Variants in SMYD4 observed in about 807,000 individuals in gnomAD.
The protein encoded by SMYD4 is SET and MYND domain containing 4.
SMYD4 carries 68 observed loss-of-function variants against 72.8 expected under a neutral mutation model. The ratio of observed to expected loss-of-function variants is 0.93; its 90% CI spans 0.77 to 1.14. The LOEUF (loss-of-function observed/expected upper bound fraction) is 1.14. Among genes scored for constraint, SMYD4 ranks in the 50% most tolerant of loss-of-function variants. SMYD4 has a pLI of 0.00. For missense variants in SMYD4, 984 were observed against 1,003.7 expected (o/e 0.98, Z 0.27); for synonymous variants, 407 against 388.6 (o/e 1.05, Z -0.56).
In SMYD4 at chr17:1,800,528, ACTCTGGTGTCCCATTTGCTGT is replaced by A; in HGVS notation, c.845_865del (p.Asp282_Arg288del). ...GTGACAATAGAGGTCCCCATTGGTG[ACTCTGGTGTCCCATTTGCTGT>A]CTAGGCCGTGATGCGGTGGTGGCAG... On this transcript the variant is annotated inframe_deletion, in exon 5 of 11. Transcript: ENST00000305513. 1 of 1,613,984 alleles carries A rather than the reference ACTCTGGTGTCCCATTTGCTGT, an allele frequency of 6.2e-7. No homozygotes were observed. The highest frequency in any genetic ancestry group is 2.2e-5 in the East Asian group (1 of 44,868).
At chr17:1,818,246 G>C (rs1226624673) in intron 2 of SMYD4, among the ~76,000 whole-genome samples, 1 of 152,102 alleles carries the variant, frequency 6.6e-6, no homozygotes, top group Non-Finnish European at 1.5e-5. Context: ...GGGATGTAAA[G>C]CCTTTCATGG....
intron 5 of SMYD4, among the ~76,000 whole-genome samples, chr17:1,797,362 G>T (rs1909458809): frequency 6.6e-6 from 1 of 152,190 alleles, no homozygotes; most frequent in Non-Finnish European, 1.5e-5. Context: ...TCATAAAATA[G>T]AAAGACTACA....
rs928819102 is a variant in SMYD4, at chr17:1,799,087, G to A, written c.1537+770C>T. ...GAGATCGAGACCATGGTGAAACCCC[G>A]TCTCTGCTAAAAATACAAAAAATTA... On this transcript the variant is annotated intron_variant, in intron 5 of 10. Transcript: ENST00000305513. 4.6e-5 allele frequency among the ~76,000 whole-genome samples: 7 copies of A among 151,350 alleles called. 1 individual carries two copies. Among genetic ancestry groups the A allele is most frequent in the East Asian group, 4.0e-4 (2 of 5,048 alleles).
intron 2 of SMYD4, among the ~76,000 whole-genome samples, chr17:1,824,016 T>C (rs781772891): frequency 2.6e-5 from 4 of 152,168 alleles, no homozygotes; most frequent in Non-Finnish European, 4.4e-5. Context: ...GGGGTTTCTG[T>C]TACTTGAAAC....
rs555693798 is a variant in SMYD4, at chr17:1,780,989, G to A, written c.*297C>T. Reference sequence around the variant, plus strand: ...GGCTGGAGTGCAGTGGAGCGATCTCGGCTCACTGCAACCTCCGCCTCCTGG... The same window carrying A: ...GGCTGGAGTGCAGTGGAGCGATCTCAGCTCACTGCAACCTCCGCCTCCTGG... On this transcript the variant is annotated 3_prime_UTR_variant, in exon 11 of 11. Transcript: ENST00000305513. The A allele has an allele frequency of 2.3e-5, 5 of 219,136 alleles. No homozygotes were observed. Among genetic ancestry groups the A allele is most frequent in the South Asian group, 6.5e-5 (1 of 15,396 alleles). The allele number at this position is 219,136 out of a possible 1,614,324, so 13.6% of individuals were successfully genotyped here. A position where few individuals can be genotyped will look rare whatever the true frequency, so the allele number is the denominator to read the frequency against.
At chr17:1,789,745 A>AC (rs1908916668) in intron 5 of SMYD4, among the ~76,000 whole-genome samples, 1 of 112,962 alleles carries the variant, frequency 8.9e-6, no homozygotes, top group Admixed American at 1.0e-4. Context: ...AGCCTGGGTG[A>AC]AAGAGCGAGA....
intron 5 of SMYD4, among the ~76,000 whole-genome samples, chr17:1,792,112 G>A (rs113059426): frequency 0.019 from 2,856 of 151,806 alleles, 105 homozygotes; most frequent in African/African-American, 0.066. Context: ...GCGCGATCGC[G>A]GCTCAGTGCA....
intron 4 of SMYD4, 110 bp downstream of exon 4, chr17:1,804,516 A>T: frequency 1.0e-6 from 1 of 957,996 alleles, no homozygotes; most frequent in South Asian, 1.4e-5. Flanking sequence ...AACCAATAGC[A>T]GCATGACATG....
Position 1,784,316 on chromosome 17 carries a change from C to G in SMYD4, c.2020+10G>C, listed in dbSNP as rs779040370. 1 of 1,614,090 alleles carries G rather than the reference C, an allele frequency of 6.2e-7. No individual in the cohort carries two copies. Among genetic ancestry groups the G allele is most frequent in the Non-Finnish European group, 8.5e-7 (1 of 1,179,974 alleles). ...GGGGCTGGAGGACCAAAGCAGGGAG[C>G]CAGTCTCACCTAGTTCACCATCTCT... On this transcript the variant is annotated intron_variant, in intron 8 of 10. Coordinates refer to ENST00000305513, the MANE Select transcript of SMYD4 (RefSeq NM_052928.3).
intron 3 of SMYD4, among the ~76,000 whole-genome samples, chr17:1,807,648 C>T (rs1437952569): frequency 3.3e-5 from 5 of 152,216 alleles, no homozygotes; most frequent in Admixed American, 6.5e-5. Flanking sequence ...CAGGTGCGAG[C>T]CACCGCGCCC....
intron 5 of SMYD4, among the ~76,000 whole-genome samples, chr17:1,791,261 A>G (rs899154304): frequency 1.3e-5 from 2 of 152,132 alleles, no homozygotes; most frequent in African/African-American, 4.8e-5. Flanking sequence ...TAAATATGCC[A>G]TTCCCACTGA....
intron 4 of SMYD4, among the ~76,000 whole-genome samples, chr17:1,802,965 A>C (rs1428662101): frequency 6.6e-6 from 1 of 152,218 alleles, no homozygotes; most frequent in Non-Finnish European, 1.5e-5. Flanking sequence ...CAGCCTGACC[A>C]ACATGGTGAA....
intron 5 of SMYD4, among the ~76,000 whole-genome samples, chr17:1,789,101 C>T (rs543420514): frequency 6.6e-6 from 1 of 152,182 alleles, no homozygotes; most frequent in South Asian, 2.1e-4. Flanking sequence ...AAAAACCACT[C>T]ACCAGGCTGG....
intron 2 of SMYD4, among the ~76,000 whole-genome samples, chr17:1,822,035 G>A (rs1452072317): frequency 6.6e-6 from 1 of 151,976 alleles, no homozygotes; most frequent in Non-Finnish European, 1.5e-5. Flanking sequence ...GACTAGCCTG[G>A]CCAACATGGT....
At chr17:1,813,826 TAG>T (rs934887334) in intron 2 of SMYD4, among the ~76,000 whole-genome samples, 13 of 150,592 alleles carry the variant, frequency 8.6e-5, no homozygotes, top group African/African-American at 1.9e-4. Context: ...TACATAAATA[TAG>T]AGACATATAC....
At chr17:1,814,361 A>G (rs1910479087) in intron 2 of SMYD4, among the ~76,000 whole-genome samples, 1 of 152,190 alleles carries the variant, frequency 6.6e-6, no homozygotes, top group Admixed American at 6.6e-5. Flanking sequence ...GTAAGTTAAA[A>G]ATTTTTGTTT....
At chr17:1,812,976 T>G (rs974035082) in intron 2 of SMYD4, among the ~76,000 whole-genome samples, 2 of 151,738 alleles carry the variant, frequency 1.3e-5, no homozygotes, top group Non-Finnish European at 2.9e-5. Flanking sequence ...TTTCGCTCTG[T>G]CACCCAGGCT....
intron 2 of SMYD4, among the ~76,000 whole-genome samples, chr17:1,821,979 C>A (rs7503672): frequency 0.19 from 28,308 of 149,914 alleles, 2,709 homozygotes; most frequent in Middle Eastern, 0.21. Context: ...AACCCCAGCA[C>A]TTTGGGAGGC....
intron 3 of SMYD4, among the ~76,000 whole-genome samples, chr17:1,811,622 C>T (rs750219237): frequency 2.0e-5 from 3 of 152,158 alleles, no homozygotes; most frequent in Non-Finnish European, 4.4e-5. Flanking sequence ...TGAAGAAACA[C>T]GCATTGTTAC....
Sources: allele counts gnomAD v4.1 joint callset (sites outside exome capture counted in the v4.1 genomes callset), GRCh38; gene constraint gnomAD v4.1.1; transcripts MANE v1.5; gene names NCBI Gene and HGNC (gene_info 2026-07-23, HGNC 2026-07-21).